STK32A: variants seen among roughly 807,000 people sequenced by gnomAD.
STK32A encodes the protein serine/threonine kinase 32A.
A neutral mutation model predicts 53.2 loss-of-function variants in STK32A; 41 were observed. That is an observed-to-expected ratio of 0.77 (90% CI 0.60 to 1.00). The LOEUF is 1.00. Among genes scored for constraint, STK32A ranks in the 50% least tolerant of loss-of-function variants. The pLI is 0.00. For missense variants in STK32A, 458 were observed against 485.8 expected, an observed-to-expected ratio of 0.94 and a Z score of 0.54; for synonymous variants, 166 against 162.8, an observed-to-expected ratio of 1.02 and a Z score of -0.15.
At chr5:147,351,472 G>A (rs767594896) in intron 7 of STK32A, among the ~76,000 whole-genome samples, 20 of 152,172 alleles carry the variant, frequency 1.3e-4, no homozygotes, top group Non-Finnish European at 2.4e-4. Context: ...TTCAGATGCC[G>A]GTGACCCTGT....
intron 11 of STK32A, among the ~76,000 whole-genome samples, chr5:147,379,328 C>T (rs1263350617): frequency 6.6e-6 from 1 of 151,780 alleles, no homozygotes; most frequent in Non-Finnish European, 1.5e-5. Context: ...ATGTGTGCAA[C>T]CATGATTGAG....
chr5:147,384,589 A>T lies in STK32A; in HGVS notation c.*606A>T. 5.1e-6 allele frequency: 3 copies of T among 592,424 alleles called. No homozygotes were observed. Among genetic ancestry groups the T allele is most frequent in the Non-Finnish European group, 8.6e-6 (3 of 350,272 alleles). 36.7% of individuals were successfully genotyped at this position (592,424 alleles called of 1,614,324 possible). The stretch of plus-strand genomic sequence containing the variant: ...AGATCCGCTTATCTCAGCTGGCAGG[A>T]GCCTGCTGTGCACACCACTTCCCAG... On this transcript the variant is annotated 3_prime_UTR_variant, in exon 13 of 13. Coordinates refer to ENST00000397936, the MANE Select transcript of STK32A (RefSeq NM_001112724.2).
At chr5:147,334,499 G>T (rs1755022258) in intron 5 of STK32A, among the ~76,000 whole-genome samples, 1 of 152,162 alleles carries the variant, frequency 6.6e-6, no homozygotes, top group Non-Finnish European at 1.5e-5. Flanking sequence ...GATAAACATG[G>T]AGTCCTGACT....
chr5:147,290,407 A>G (rs888034379), intron 4 of STK32A, among the ~76,000 whole-genome samples: 2 of 152,132 alleles, frequency 1.3e-5, no homozygotes, highest in African/African-American at 4.8e-5. Context: ...GCTGCCAGAC[A>G]GGGCTGGCAT....
At chr5:147,392,125 C>G (rs1020633140), downstream of STK32A, 3 of 152,180 alleles carry the variant, frequency 2.0e-5, no homozygotes, top group African/African-American at 7.2e-5. Flanking sequence ...GGCAAACTCT[C>G]TCTGCACATA....
chr5:147,268,774 G>T (rs1019915), intron 2 of STK32A, among the ~76,000 whole-genome samples: 89,563 of 151,878 alleles, frequency 0.59, 26,767 homozygotes, highest in African/African-American at 0.67. Flanking sequence ...CAAGGCATCT[G>T]GCTAGGGATG....
At chr5:147,345,797 T>G (rs1386952889) in intron 6 of STK32A, among the ~76,000 whole-genome samples, 1 of 152,180 alleles carries the variant, frequency 6.6e-6, no homozygotes, top group Non-Finnish European at 1.5e-5. Flanking sequence ...ACCTGGTGTC[T>G]TATTTACAAT....
intron 7 of STK32A, among the ~76,000 whole-genome samples, chr5:147,355,746 G>C (rs1234942253): frequency 6.7e-6 from 1 of 149,036 alleles, no homozygotes; most frequent in Non-Finnish European, 1.5e-5. Flanking sequence ...AATTATATAT[G>C]TATGTATGTG....
intron 5 of STK32A, among the ~76,000 whole-genome samples, chr5:147,326,548 T>C (rs1754599659): frequency 6.6e-6 from 1 of 152,198 alleles, no homozygotes; most frequent in Admixed American, 6.5e-5. Flanking sequence ...TTCATTTGTC[T>C]CCTTTATAAA....
At chr5:147,368,815 C>T (rs1756884597) in intron 8 of STK32A, among the ~76,000 whole-genome samples, 1 of 152,074 alleles carries the variant, frequency 6.6e-6, no homozygotes, top group Non-Finnish European at 1.5e-5. Context: ...CTTAAACCAG[C>T]TGCTTGTGGC....
At chr5:147,393,827 A>T in the STK32A span, 2 of 591,240 alleles carry the variant, frequency 3.4e-6, no homozygotes, top group Non-Finnish European at 6.0e-6. Context: ...GAGTCAAACA[A>T]ATCAAGGCTA....
chr5:147,272,988 A>C (rs1454620532), intron 2 of STK32A, among the ~76,000 whole-genome samples: 1 of 152,250 alleles, frequency 6.6e-6, no homozygotes, highest in East Asian at 1.9e-4. Context: ...GCTGGAATCA[A>C]TTTTTAGAAA....
chr5:147,300,745 T>C (rs930259038), intron 4 of STK32A, among the ~76,000 whole-genome samples: 1 of 152,202 alleles, frequency 6.6e-6, no homozygotes, highest in African/African-American at 2.4e-5. Context: ...GTTCCACCAC[T>C]GGGTAACTGA....
the STK32A span, chr5:147,395,788 T>A: frequency 5.7e-6 from 9 of 1,572,058 alleles, no homozygotes; most frequent in African/African-American, 1.2e-4. Flanking sequence ...CTAGGTATCA[T>A]AAATATATTA....
At chr5:147,238,850 A>G in intron 1 of STK32A, among the ~76,000 whole-genome samples, 1 of 152,006 alleles carries the variant, frequency 6.6e-6, no homozygotes, top group East Asian at 1.9e-4. Context: ...AACATAATAT[A>G]TACGTTAATA....
At chr5:147,241,042 A>G (rs1012515393) in intron 2 of STK32A, among the ~76,000 whole-genome samples, 7 of 152,256 alleles carry the variant, frequency 4.6e-5, no homozygotes, top group Non-Finnish European at 2.9e-5. Flanking sequence ...TTGGGTGGCC[A>G]TGAACCTTCT....
At chr5:147,279,613 G>A (rs542155400) in intron 4 of STK32A, among the ~76,000 whole-genome samples, 1 of 152,232 alleles carries the variant, frequency 6.6e-6, no homozygotes, top group South Asian at 2.1e-4. Context: ...GAGCATGGGT[G>A]AACTCCAGCG....
chr5:147,369,341 C>G (rs916642631), intron 8 of STK32A, among the ~76,000 whole-genome samples: 1 of 152,136 alleles, frequency 6.6e-6, no homozygotes, highest in East Asian at 1.9e-4. Context: ...CTTCCCATCA[C>G]TTTTCTTGAG....
chr5:147,316,105 G>C (rs1220120045), intron 4 of STK32A, among the ~76,000 whole-genome samples: 1 of 152,162 alleles, frequency 6.6e-6, no homozygotes, highest in Admixed American at 6.5e-5. Context: ...TGGCATTGTT[G>C]GGGGTAATGT....
Sources: gnomAD v4.1 joint callset for allele counts (sites outside exome capture counted in the v4.1 genomes callset) on GRCh38, gnomAD v4.1.1 for gene constraint, MANE v1.5 for transcripts, NCBI Gene and HGNC (gene_info 2026-07-23, HGNC 2026-07-21) for gene names.